Variants in KLF12 observed in about 807,000 individuals in gnomAD.
KLF12 encodes the protein Krueppel-like factor 12.
A neutral mutation model predicts 37.8 loss-of-function variants in KLF12; 9 were observed. The observed-to-expected ratio is 0.24, with a 90% CI of 0.14 to 0.42. The LOEUF (loss-of-function observed/expected upper bound fraction) is 0.42, where lower values mean the gene tolerates loss of function less well. Ranked by LOEUF, KLF12 falls within the 10% of genes least tolerant of loss-of-function variation. KLF12 has a pLI of 1.00. For synonymous variants in KLF12, 208 were observed against 202.1 expected, an observed-to-expected ratio of 1.03 and a Z score of -0.25; for missense variants, 411 against 516.0, an observed-to-expected ratio of 0.80 and a Z score of 1.97.
At chr13:74,262,852 C>CAT in the KLF12 span, among the ~76,000 whole-genome samples, 1,545 of 151,876 alleles carry the variant, frequency 0.01, 35 homozygotes, top group African/African-American at 0.035. Context: ...TATGTACACA[C>CAT]ATATATATAT....
At chr13:74,221,625 T>A in the KLF12 span, among the ~76,000 whole-genome samples, 1 of 152,238 alleles carries the variant, frequency 6.6e-6, no homozygotes. Flanking sequence ...TTTGTTATTT[T>A]TACATTCTCT....
chr13:74,158,569 T>C, the KLF12 span, among the ~76,000 whole-genome samples: 1 of 151,890 alleles, frequency 6.6e-6, no homozygotes, highest in South Asian at 2.1e-4. Flanking sequence ...TCAAAACAAG[T>C]GAGTCCCAGA....
At chr13:74,249,841 A>G in the KLF12 span, among the ~76,000 whole-genome samples, 1 of 152,182 alleles carries the variant, frequency 6.6e-6, no homozygotes, top group Admixed American at 6.5e-5. Flanking sequence ...TGAGGTAAAC[A>G]GAGTCAGTGG....
At chr13:73,789,511 TGACCCAGGGTAA>T (rs1881537799) in intron 5 of KLF12, among the ~76,000 whole-genome samples, 1 of 152,048 alleles carries the variant, frequency 6.6e-6, no homozygotes, top group Non-Finnish European at 1.5e-5. Flanking sequence ...AGCCCTAACC[TGACCCAGGGTAA>T]GACCACGCAA....
chr13:74,251,781 G>A, the KLF12 span, among the ~76,000 whole-genome samples: 1 of 152,150 alleles, frequency 6.6e-6, no homozygotes, highest in Non-Finnish European at 1.5e-5. Flanking sequence ...TAGACAAGTT[G>A]GCTGTGACAT....
At chr13:74,150,383 C>T in the KLF12 span, among the ~76,000 whole-genome samples, 1 of 152,206 alleles carries the variant, frequency 6.6e-6, no homozygotes, top group African/African-American at 2.4e-5. Flanking sequence ...CAGTGGCGAA[C>T]CTAACTGCCA....
intron 6 of KLF12, among the ~76,000 whole-genome samples, chr13:73,734,260 A>G (rs1877281403): frequency 6.6e-6 from 1 of 151,670 alleles, no homozygotes; most frequent in Non-Finnish European, 1.5e-5. Flanking sequence ...GCCTCTCCTG[A>G]CCCCTGCACC....
chr13:73,892,247 A>G (rs578023848), intron 3 of KLF12, among the ~76,000 whole-genome samples: 3 of 152,300 alleles, frequency 2.0e-5, no homozygotes, highest in African/African-American at 7.2e-5. Flanking sequence ...AAATGAAAAT[A>G]ATGGGACAAC....
intron 1 of KLF12, among the ~76,000 whole-genome samples, chr13:74,045,902 T>G (rs976142275): frequency 2.6e-5 from 4 of 152,224 alleles, no homozygotes; most frequent in Admixed American, 2.6e-4. Context: ...CTGGAATAAC[T>G]GAGTAATTAT....
At chr13:74,178,519 G>A in the KLF12 span, among the ~76,000 whole-genome samples, 7 of 152,260 alleles carry the variant, frequency 4.6e-5, 1 homozygote, top group South Asian at 1.5e-3. Flanking sequence ...TAGTGCTTTT[G>A]ACAATCTCTG....
At chr13:74,149,624 T>C in the KLF12 span, among the ~76,000 whole-genome samples, 4 of 152,170 alleles carry the variant, frequency 2.6e-5, no homozygotes. Context: ...CCTTATGGAC[T>C]CTTCTCAGGG....
the KLF12 span, among the ~76,000 whole-genome samples, chr13:74,187,423 T>C: frequency 6.6e-6 from 1 of 152,144 alleles, no homozygotes; most frequent in Admixed American, 6.5e-5. Context: ...GTGTCCTCGT[T>C]TGTAACCGGG....
At chr13:74,298,843 AGCAC>A in the KLF12 span, among the ~76,000 whole-genome samples, 14 of 152,318 alleles carry the variant, frequency 9.2e-5, no homozygotes, top group Middle Eastern at 6.8e-3. Flanking sequence ...CTTGTTTTGA[AGCAC>A]ACATTTTACA....
intron 1 of KLF12, among the ~76,000 whole-genome samples, chr13:74,037,788 T>G (rs1444926081): frequency 1.3e-5 from 2 of 152,214 alleles, no homozygotes; most frequent in African/African-American, 2.4e-5. Flanking sequence ...GGATGAGGGA[T>G]GATCTGTGGA....
the KLF12 span, among the ~76,000 whole-genome samples, chr13:74,220,108 C>CT: frequency 6.6e-6 from 1 of 151,938 alleles, no homozygotes; most frequent in African/African-American, 2.4e-5. Context: ...TACTTTTTGC[C>CT]TTTTTGTGCA....
chr13:73,988,243 A>ATTTCT (rs535975932), intron 2 of KLF12, among the ~76,000 whole-genome samples: 31 of 152,332 alleles, frequency 2.0e-4, no homozygotes, highest in South Asian at 8.3e-4. Flanking sequence ...GGCTGCTCCC[A>ATTTCT]TTTCTTACAG....
At chr13:73,832,179 G>C (rs1445350536) in intron 4 of KLF12, among the ~76,000 whole-genome samples, 1 of 152,150 alleles carries the variant, frequency 6.6e-6, no homozygotes, top group Non-Finnish European at 1.5e-5. Context: ...CTACTTTCCA[G>C]TACAAGCACA....
intron 4 of KLF12, among the ~76,000 whole-genome samples, chr13:73,821,115 CTTTGTCTCTCTCTGGTTA>C (rs1883501600): frequency 6.6e-6 from 1 of 152,288 alleles, no homozygotes; most frequent in African/African-American, 2.4e-5. Flanking sequence ...TCTCTTGGGC[CTTTGTCTCTCTCTGGTTA>C]TCTATCCTTC....
chr13:73,825,348 A>G (rs1318989942), intron 4 of KLF12, among the ~76,000 whole-genome samples: 16 of 152,160 alleles, frequency 1.1e-4, no homozygotes. Flanking sequence ...GTATCTCCGG[A>G]AATGACTCTT....
Sources: allele counts gnomAD v4.1 joint callset (sites outside exome capture counted in the v4.1 genomes callset), GRCh38; gene constraint gnomAD v4.1.1; transcripts MANE v1.5; gene names NCBI Gene and HGNC (gene_info 2026-07-23, HGNC 2026-07-21).